The following METTL23 variants were observed in gnomAD, a reference collection of about 807,000 sequenced individuals.
The protein encoded by METTL23 is histone-arginine methyltransferase METTL23.
METTL23 carries 24 observed loss-of-function variants against 21.2 expected under a neutral mutation model. The observed-to-expected ratio is 1.13, with a 90% CI of 0.82 to 1.59. The LOEUF (loss-of-function observed/expected upper bound fraction) is 1.59. Ranked by LOEUF, METTL23 falls within the 40% of genes most tolerant of loss-of-function variation. METTL23 has a pLI of 0.00. For synonymous variants in METTL23, 97 were observed against 75.2 expected, an observed-to-expected ratio of 1.29 and a Z score of -1.50; for missense variants, 276 against 221.4, an observed-to-expected ratio of 1.25 and a Z score of -1.57.
intron 2 of METTL23, chr17:76,732,698 ACTT>A: frequency 1.3e-5 from 6 of 456,686 alleles, no homozygotes; most frequent in Non-Finnish European, 2.0e-5. Context: ...CCCCAAAACT[ACTT>A]CTGTGTGCAT....
In METTL23 at chr17:76,726,958, T is replaced by G; in HGVS notation, c.-242T>G. The G allele has an allele frequency of 2.2e-6, 1 of 456,768 alleles. No individual in the cohort carries two copies. Among genetic ancestry groups the G allele is most frequent in the Non-Finnish European group, 4.4e-6 (1 of 226,998 alleles). 28.3% of individuals were successfully genotyped at this position (456,768 alleles called of 1,614,324 possible). ...TATCACCAGATCTGGGCTTTCCCCT[T>G]CTTGCCGTCAGGTGCTACGGCCACG... is the stretch of plus-strand genomic sequence containing the variant. On this transcript the variant is annotated 5_prime_UTR_variant, in exon 1 of 5. Transcript: ENST00000341249.
chr17:76,729,537 T>G (rs994021797), intron 1 of METTL23, among the ~76,000 whole-genome samples, 153 bp from the exon 2 acceptor site: 10 of 152,236 alleles, frequency 6.6e-5, no homozygotes, highest in Admixed American at 5.2e-4. Flanking sequence ...TCTATCACAT[T>G]GCATTGCAGT....
chr17:76,733,134 T>A lies in METTL23; in HGVS notation c.241T>A (p.Trp81Arg). ...ACATCTGCAGGTGGTAGGACTAACA[T>A]GGGGTCATATATCTTGGGATCTTCT... ...LPHLQVVGLT[W>R]GHISWDLLAL... Residue 81 changes from tryptophan (W) to arginine (R), a missense_variant, in exon 3 of 5, where the codon TGG becomes AGG. Transcript: ENST00000341249. The A allele has an allele frequency of 6.2e-7, 1 of 1,613,850 alleles. No individual in the cohort carries two copies. The highest frequency in any genetic ancestry group is 8.5e-7 in the Non-Finnish European group (1 of 1,179,846).
In METTL23 at chr17:76,733,168, C is replaced by G. The variant is rs2077304995; in HGVS notation, c.275C>G (p.Pro92Arg). The change falls in exon 3 of 5, where the codon CCA becomes CGA. Residue 92 changes from proline to arginine, a missense_variant. Coordinates refer to ENST00000341249, the MANE Select transcript of METTL23 (RefSeq NM_001080510.5). ...GHISWDLLAL[P>R]PQDIILASDV... ...ATATCTTGGGATCTTCTGGCTCTACCACCACAAGATATTATCCTTGCATCT... is the reference window on the plus strand; with the variant it reads ...ATATCTTGGGATCTTCTGGCTCTACGACCACAAGATATTATCCTTGCATCT... 1 of 1,613,260 alleles carries G rather than the reference C, an allele frequency of 6.2e-7. No individual in the cohort carries two copies. Among genetic ancestry groups the G allele is most frequent in the Admixed American group, 1.7e-5 (1 of 59,990 alleles).
Position 76,733,718 on chromosome 17 carries a change from C to T in METTL23, c.*32C>T, listed in dbSNP as rs201388668. On this transcript the variant is annotated 3_prime_UTR_variant, in exon 5 of 5. Transcript: ENST00000341249. ...CCTACAACCTGTTCTGGGACAGTAT[C>T]AATACTGATGAGCAACCTGGCACAC... 2,265 of 1,585,208 alleles carry T rather than the reference C, an allele frequency of 1.4e-3. 11 individuals carry two copies. The South Asian group carries it at 0.016, about 11-fold the overall frequency.
rs993992164 is a variant in METTL23 at position 76,729,754 on chromosome 17, G to C, written c.44G>C (p.Trp15Ser). 2 of 1,599,836 alleles carry C rather than the reference G, an allele frequency of 1.3e-6. No homozygotes were observed. The highest frequency in any genetic ancestry group is 1.7e-6 in the Non-Finnish European group (2 of 1,172,080). The part of the protein sequence containing the change: ...PCAVVLAQYL[W>S]FHRRSLPGKA... ...GCTGTGGTCCTGGCCCAGTACCTTT[G>C]GTTTCACAGAAGATCTCTGCCAGGC... The change falls in exon 2 of 5, where the codon TGG (tryptophan) becomes TCG (serine). Residue 15 changes from tryptophan (W) to serine (S), a missense_variant. Coordinates refer to ENST00000341249, the MANE Select transcript of METTL23 (RefSeq NM_001080510.5).
At chr17:76,730,762 G>A in intron 2 of METTL23, among the ~76,000 whole-genome samples, 1 of 152,166 alleles carries the variant, frequency 6.6e-6, no homozygotes, top group East Asian at 1.9e-4. Context: ...GAGGTCAGGA[G>A]TTCAAGACCA....
upstream of METTL23, chr17:76,726,264 G>A: frequency 6.8e-7 from 1 of 1,467,496 alleles, no homozygotes; most frequent in Non-Finnish European, 9.0e-7. Flanking sequence ...CTCGGGGCGA[G>A]GGCAGCCTCG....
At chr17:76,730,528 C>T (rs1170074424) in intron 2 of METTL23, among the ~76,000 whole-genome samples, 1 of 152,222 alleles carries the variant, frequency 6.6e-6, no homozygotes, top group Non-Finnish European at 1.5e-5. Flanking sequence ...GACCGCTATT[C>T]TAGATGAAGC....
rs764456460 is a variant in METTL23 at position 76,732,289 on chromosome 17, C to T, written c.85-689C>T. ...AGGCCGAGACAGGTGGATCACCTGTCGGGAGTTCAAGACCAGCCTGACCAA... is the reference window on the plus strand; with the variant it reads ...AGGCCGAGACAGGTGGATCACCTGTTGGGAGTTCAAGACCAGCCTGACCAA... On this transcript the variant is annotated intron_variant, in intron 2 of 4. Coordinates refer to ENST00000341249, the MANE Select transcript of METTL23 (RefSeq NM_001080510.5). Among the ~76,000 whole-genome samples the T allele has an allele frequency of 4.6e-5, 7 of 152,022 alleles. No individual in the cohort carries two copies. In the South Asian group the frequency reaches 6.2e-4, roughly 14 times the overall value.
Position 76,733,608 on chromosome 17 carries a change from A to T in METTL23, c.495A>T (p.Glu165Asp), listed in dbSNP as rs1346420126. Reference sequence around the variant, plus strand: ...TTGAGTCTTTTGATGCAGACAAAGAAGATATAGCAGAATCTACCCTTCCAG... The same window carrying T: ...TTGAGTCTTTTGATGCAGACAAAGATGATATAGCAGAATCTACCCTTCCAG... ...IPLESFDADK[E>D]DIAESTLPGR... The change falls in exon 5 of 5, where the codon GAA becomes GAT. Residue 165 changes from glutamate to aspartate, a missense_variant. Transcript: ENST00000341249. The T allele has an allele frequency of 1.2e-6, 2 of 1,613,848 alleles. No individual in the cohort carries two copies. The highest frequency in any genetic ancestry group is 1.3e-5 in the African/African-American group (1 of 74,922).
chr17:76,729,113 CGTA>C (rs2143808395), intron 1 of METTL23, among the ~76,000 whole-genome samples: 1 of 139,014 alleles, frequency 7.2e-6, no homozygotes, highest in African/African-American at 2.7e-5. Flanking sequence ...TTTTTTGAAA[CGTA>C]GTCTCACTAT....
At chr17:76,728,529 G>C (rs1344849961) in intron 1 of METTL23, among the ~76,000 whole-genome samples, 1 of 151,482 alleles carries the variant, frequency 6.6e-6, no homozygotes, top group Admixed American at 6.6e-5. Context: ...TCCTGCCTCA[G>C]CCTCCCAAGT....
chr17:76,732,454 C>T (rs575631121), intron 2 of METTL23, among the ~76,000 whole-genome samples: 51 of 151,996 alleles, frequency 3.4e-4, no homozygotes, highest in African/African-American at 1.2e-3. Context: ...GCCAAGATTG[C>T]ACCATTGTAC....
At chr17:76,732,768 G>A in intron 2 of METTL23, 2 of 591,862 alleles carry the variant, frequency 3.4e-6, no homozygotes, top group Non-Finnish European at 3.0e-6. Context: ...TGAAGGTTAA[G>A]CTTTTACCTT....
At chr17:76,730,380 A>G (rs2077152571) in intron 2 of METTL23, among the ~76,000 whole-genome samples, 1 of 152,112 alleles carries the variant, frequency 6.6e-6, no homozygotes, top group Admixed American at 6.6e-5. Context: ...AGGTGGGAAG[A>G]TGACTTGAGC....
In METTL23 at chr17:76,733,035, A is replaced by G; in HGVS notation, c.142A>G (p.Ile48Val). Residue 48 changes from isoleucine to valine, a missense_variant, in exon 3 of 5, where the codon ATA (isoleucine) becomes GTA (valine). Coordinates refer to ENST00000341249, the MANE Select transcript of METTL23 (RefSeq NM_001080510.5). ...ILAAKCGAEV[I>V]LSDSSELPHC... Reference sequence around the variant, plus strand: ...GGCTGCCAAATGTGGTGCAGAAGTAATACTGTCAGACAGCTCAGAACTGCC... The same window carrying G: ...GGCTGCCAAATGTGGTGCAGAAGTAGTACTGTCAGACAGCTCAGAACTGCC... 6.2e-7 allele frequency: 1 copy of G among 1,600,366 alleles called. No individual in the cohort carries two copies. Among genetic ancestry groups the G allele is most frequent in the Non-Finnish European group, 8.5e-7 (1 of 1,172,732 alleles).
At chr17:76,733,486 G>A (rs1418904513) in intron 4 of METTL23, 35 bp from the exon 5 acceptor site, 1 of 1,601,628 alleles carries the variant, frequency 6.2e-7, no homozygotes. Flanking sequence ...AACAGAAAAG[G>A]CATGACTTTA....
chr17:76,726,795 G>GC, upstream of METTL23: 1 of 229,258 alleles, frequency 4.4e-6, no homozygotes, highest in South Asian at 4.1e-5. Context: ...TCACCGCCCC[G>GC]CCCCGCCCCG....
Sources: gnomAD v4.1 joint callset for allele counts (sites outside exome capture counted in the v4.1 genomes callset) on GRCh38, gnomAD v4.1.1 for gene constraint, MANE v1.5 for transcripts, NCBI Gene and HGNC (gene_info 2026-07-23, HGNC 2026-07-21) for gene names.